The following SYNE2 variants were observed in gnomAD, a reference collection of about 807,000 sequenced individuals.
SYNE2 encodes nesprin-2.
A neutral mutation model predicts 856.3 loss-of-function variants in SYNE2; 431 were observed. The ratio of observed to expected loss-of-function variants is 0.50; its 90% CI spans 0.47 to 0.55. The LOEUF is 0.55. Ranked by LOEUF, SYNE2 falls within the 20% of genes least tolerant of loss-of-function variation. The pLI is 0.00. For synonymous variants in SYNE2, 2,923 were observed against 2,872.3 expected (o/e 1.02, Z -0.56); for missense variants, 8,129 against 8,023.2 (o/e 1.01, Z -0.50).
At chr14:64,048,484 C>T (rs1016885390) in intron 46 of SYNE2, 25 of 199,358 alleles carry the variant, frequency 1.3e-4, no homozygotes, top group African/African-American at 4.2e-4. Context: ...TGTATTTTTC[C>T]TAACAATCAG....
Position 64,017,608 on chromosome 14 carries a change from CAGA to C in SYNE2, c.4905_4907del (p.Glu1635del), listed in dbSNP as rs1594892804. The stretch of plus-strand genomic sequence containing the variant: ...AAATTATGGTAGATAAATGAGAAGA[CAGA>C]AGATTACTATGAAAATCTTGGTCGA... On this transcript the variant is annotated inframe_deletion, in exon 34 of 116. Transcript: ENST00000555002. The C allele has an allele frequency of 6.2e-7, 1 of 1,611,828 alleles. No homozygotes were observed. Among genetic ancestry groups the C allele is most frequent in the Non-Finnish European group, 8.5e-7 (1 of 1,178,626 alleles).
In SYNE2 at chr14:64,141,415, C is replaced by T. The variant is rs200353243; in HGVS notation, c.15051C>T (p.His5017=). 1 of 1,613,956 alleles carries T rather than the reference C, an allele frequency of 6.2e-7. No individual in the cohort carries two copies. Among genetic ancestry groups the T allele is most frequent in the African/African-American group, 1.3e-5 (1 of 74,928 alleles). ...TCAGTATCGGGAACCAGCTTCTTCA[C>T]CTGAAAGAAACTGATACAGCTACAC... is the stretch of plus-strand genomic sequence containing the variant. ...AVISIGNQLL[H]LKETDTATLR... Residue 5017 remains histidine, a synonymous_variant, in exon 81 of 116, where the codon CAC becomes CAT. Coordinates refer to ENST00000555002, the MANE Select transcript of SYNE2 (RefSeq NM_182914.3).
At chr14:63,953,543 G>GAGAGAT (rs772140692) in intron 7 of SYNE2, among the ~76,000 whole-genome samples, 1 of 90,500 alleles carries the variant, frequency 1.1e-5, no homozygotes. Flanking sequence ...GAGAGAGAGA[G>GAGAGAT]AGATAGATAG....
intron 103 of SYNE2, among the ~76,000 whole-genome samples, chr14:64,210,461 C>T (rs1235188087): frequency 6.6e-6 from 1 of 152,174 alleles, no homozygotes; most frequent in Non-Finnish European, 1.5e-5. Context: ...AACACGTGGG[C>T]CCCTGGAAGG....
intron 32 of SYNE2, among the ~76,000 whole-genome samples, chr14:64,012,850 A>G (rs1278434962): frequency 6.6e-6 from 1 of 152,280 alleles, no homozygotes; most frequent in African/African-American, 2.4e-5. Context: ...CATAGGTACT[A>G]TCTTCACAAA....
intron 100 of SYNE2, among the ~76,000 whole-genome samples, chr14:64,205,416 G>A (rs1020336130): frequency 2.4e-4 from 37 of 152,038 alleles, no homozygotes; most frequent in African/African-American, 8.9e-4. Context: ...ACCTTACCTA[G>A]TGACCATTTT....
Position 64,026,803 on chromosome 14 carries a change from G to GC in SYNE2, c.6404+78dup, listed in dbSNP as rs1367400875. ...AAGCCATAACAAGTATGTTTTGTCT[G>GC]CCCCCTGGGTTTGGATATAATATCT... is the stretch of plus-strand genomic sequence containing the variant. On this transcript the variant is annotated intron_variant, in intron 42 of 115. Transcript: ENST00000555002. 4.0e-5 allele frequency: 61 copies of GC among 1,520,870 alleles called. 1 individual carries two copies. In the Middle Eastern group the frequency reaches 6.7e-3, roughly 167 times the overall value. 94.2% of individuals were successfully genotyped at this position (1,520,870 alleles called of 1,614,324 possible).
At chr14:64,042,949 T>C (rs2097159742) in intron 45 of SYNE2, among the ~76,000 whole-genome samples, 1 of 152,016 alleles carries the variant, frequency 6.6e-6, no homozygotes, top group African/African-American at 2.4e-5. Flanking sequence ...GACAGGAAAA[T>C]GTGGGAAAGT....
chr14:64,173,713 C>A (rs2098421441), intron 94 of SYNE2, among the ~76,000 whole-genome samples: 1 of 151,810 alleles, frequency 6.6e-6, no homozygotes, highest in Non-Finnish European at 1.5e-5. Context: ...GTGAGGCTAC[C>A]TCGGCCACCC....
chr14:63,810,981 C>A (rs185858054), intron 1 of SYNE2, among the ~76,000 whole-genome samples: 1 of 151,840 alleles, frequency 6.6e-6, no homozygotes, highest in Admixed American at 6.6e-5. Context: ...ACTACAGGTG[C>A]CCGCCACCAC....
chr14:64,105,585 G>A (rs189977840), intron 64 of SYNE2, among the ~76,000 whole-genome samples: 1 of 152,340 alleles, frequency 6.6e-6, no homozygotes, highest in East Asian at 1.9e-4. Flanking sequence ...CAACTTGCAA[G>A]TAGAGCAATC....
At chr14:63,848,663 TCTC>T (rs1353585390), upstream of SYNE2, among the ~76,000 whole-genome samples, 1 of 152,224 alleles carries the variant, frequency 6.6e-6, no homozygotes. Flanking sequence ...CCTTTAGTCT[TCTC>T]CTGTGTAAAC....
rs1889486919 is a variant in SYNE2, at chr14:63,827,625, C to CAAAAAAAAAAAAAAACAAAA, written c.-304-24861_-304-24860insCAAAAAAAAAAAAAAAAAAA. ...GGGCAACAAGATTGAAACTCTGTCT[C>CAAAAAAAAAAAAAAACAAAA]AAAAAAAAAAAAAAAAAAAAAAAAA... On this transcript the variant is annotated intron_variant, in intron 1 of 23. Transcript: ENST00000674003. 6.7e-4 allele frequency among the ~76,000 whole-genome samples: 19 copies of CAAAAAAAAAAAAAAACAAAA among 28,384 alleles called. 1 individual carries two copies. Among genetic ancestry groups the CAAAAAAAAAAAAAAACAAAA allele is most frequent in the Admixed American group, 2.2e-3 (4 of 1,806 alleles). 18.6% of individuals were successfully genotyped at this position (28,384 alleles called of 152,430 possible).
intron 45 of SYNE2, among the ~76,000 whole-genome samples, chr14:64,042,713 T>C (rs770619955): frequency 6.6e-6 from 1 of 152,170 alleles, no homozygotes; most frequent in Non-Finnish European, 1.5e-5. Context: ...TACACCATGA[T>C]TGTGAGGCTT....
intron 88 of SYNE2, 29 bp from the exon 89 acceptor site, chr14:64,163,372 AG>A (rs1427859237): frequency 6.2e-7 from 1 of 1,612,632 alleles, no homozygotes; most frequent in Non-Finnish European, 8.5e-7. Context: ...AAGGAGGAAG[AG>A]GTGTTTGCCA....
chr14:64,029,314 C>A (rs567254378), intron 43 of SYNE2, among the ~76,000 whole-genome samples: 2 of 152,134 alleles, frequency 1.3e-5, no homozygotes, highest in African/African-American at 4.8e-5. Context: ...TAGACCTGTT[C>A]TTCTGTAAAT....
At chr14:63,964,962 CTTTT>C (rs750645462) in intron 10 of SYNE2, among the ~76,000 whole-genome samples, 3 of 131,008 alleles carry the variant, frequency 2.3e-5, no homozygotes, top group Non-Finnish European at 3.3e-5. Context: ...TTGAACATTT[CTTTT>C]TTTTTTTTTT....
chr14:63,969,118 C>A (rs2096438276), intron 11 of SYNE2, among the ~76,000 whole-genome samples: 1 of 151,174 alleles, frequency 6.6e-6, no homozygotes, highest in Non-Finnish European at 1.5e-5. Context: ...TTTCACTTGA[C>A]ATAGTGACTT....
intron 61 of SYNE2, among the ~76,000 whole-genome samples, chr14:64,097,408 T>C (rs1439207497): frequency 6.6e-6 from 1 of 152,214 alleles, no homozygotes; most frequent in Admixed American, 6.5e-5. Context: ...GAGATTTCTG[T>C]CTTCATTTTC....
Sources: gnomAD v4.1 joint callset for allele counts (sites outside exome capture counted in the v4.1 genomes callset) on GRCh38, gnomAD v4.1.1 for gene constraint, MANE v1.5 for transcripts, NCBI Gene and HGNC (gene_info 2026-07-23, HGNC 2026-07-21) for gene names.